MAGI1: variants seen among roughly 807,000 people sequenced by gnomAD.
MAGI1 encodes the protein membrane-associated guanylate kinase, WW and PDZ domain-containing protein 1.
In MAGI1, 58 loss-of-function variants were observed where a neutral mutation model predicts 139.9. The ratio of observed to expected loss-of-function variants is 0.41; its 90% CI spans 0.34 to 0.52. The LOEUF (loss-of-function observed/expected upper bound fraction) is 0.52, where lower values mean the gene tolerates loss of function less well. MAGI1 is among the 20% of genes least tolerant of loss of function. The pLI, the probability that MAGI1 is intolerant of heterozygous loss-of-function variation, is 0.12. For missense variants in MAGI1, 1,874 were observed against 1,901.6 expected, an observed-to-expected ratio of 0.99 and a Z score of 0.27; for synonymous variants, 812 against 737.9, an observed-to-expected ratio of 1.10 and a Z score of -1.63.
intron 1 of MAGI1, among the ~76,000 whole-genome samples, chr3:66,002,955 A>C (rs2066825142): frequency 6.6e-6 from 1 of 152,240 alleles, no homozygotes. Context: ...CAGGAGAATT[A>C]TTAATAGTAC....
In MAGI1 at chr3:65,704,268, G is replaced by A. The variant is rs189186335; in HGVS notation, c.314-82180C>T. Among the ~76,000 whole-genome samples the A allele has an allele frequency of 8.5e-5, 13 of 152,280 alleles. No homozygotes were observed. The East Asian group carries it at 2.5e-3, about 29-fold the overall frequency. On this transcript the variant is annotated intron_variant, in intron 1 of 22. Transcript: ENST00000402939. Reference sequence around the variant, plus strand: ...GAACAGAGCTCTGTCCTCCTTAGGAGACACCTCATTTGCAGTTTGTTTCCA... The same window carrying A: ...GAACAGAGCTCTGTCCTCCTTAGGAAACACCTCATTTGCAGTTTGTTTCCA...
intron 1 of MAGI1, among the ~76,000 whole-genome samples, chr3:65,990,255 A>G (rs2066100694): frequency 1.3e-5 from 2 of 152,180 alleles, no homozygotes; most frequent in Admixed American, 6.5e-5. Flanking sequence ...TCCAAGTACT[A>G]TAAATACCAG....
At chr3:65,858,593 C>T (rs937669886) in intron 1 of MAGI1, among the ~76,000 whole-genome samples, 1 of 152,182 alleles carries the variant, frequency 6.6e-6, no homozygotes, top group African/African-American at 2.4e-5. Context: ...ATCTGTTGTA[C>T]TCTTTATCTC....
At chr3:65,603,584 G>A (rs2082583823) in intron 2 of MAGI1, among the ~76,000 whole-genome samples, 1 of 152,204 alleles carries the variant, frequency 6.6e-6, no homozygotes, top group Non-Finnish European at 1.5e-5. Context: ...TCTAATTGTA[G>A]GTAAAATCCC....
At chr3:65,605,663 T>C (rs2082705299) in intron 2 of MAGI1, among the ~76,000 whole-genome samples, 1 of 152,092 alleles carries the variant, frequency 6.6e-6, no homozygotes, top group Admixed American at 6.6e-5. Flanking sequence ...TAAGAGTTAA[T>C]GAAGGAGAGA....
intron 3 of MAGI1, among the ~76,000 whole-genome samples, chr3:65,482,074 G>A (rs1401778490): frequency 6.6e-6 from 1 of 152,174 alleles, no homozygotes; most frequent in Non-Finnish European, 1.5e-5. Flanking sequence ...TTAATCTAAT[G>A]AGTGGCCCAT....
chr3:65,629,653 C>T (rs941979497), intron 1 of MAGI1, among the ~76,000 whole-genome samples: 2 of 151,762 alleles, frequency 1.3e-5, no homozygotes, highest in African/African-American at 2.4e-5. Context: ...AACAAATTAG[C>T]TTGTTTTATA....
intron 1 of MAGI1, among the ~76,000 whole-genome samples, chr3:65,840,968 G>C (rs2058783221): frequency 1.3e-5 from 2 of 152,100 alleles, no homozygotes; most frequent in Admixed American, 6.6e-5. Flanking sequence ...AAAAATAATA[G>C]AGCTATTCAA....
intron 1 of MAGI1, among the ~76,000 whole-genome samples, chr3:65,953,399 A>C (rs1025327232): frequency 3.9e-5 from 6 of 152,140 alleles, no homozygotes; most frequent in African/African-American, 1.4e-4. Context: ...CTACAGGAGA[A>C]TCTAGGCCCA....
chr3:65,665,696 C>T (rs1405223141), intron 1 of MAGI1, among the ~76,000 whole-genome samples: 2 of 152,122 alleles, frequency 1.3e-5, no homozygotes, highest in Non-Finnish European at 1.5e-5. Flanking sequence ...TACACACAGA[C>T]ACAAAAACAA....
intron 1 of MAGI1, among the ~76,000 whole-genome samples, chr3:65,664,562 A>G (rs576305647): frequency 6.6e-6 from 1 of 152,330 alleles, no homozygotes; most frequent in South Asian, 2.1e-4. Context: ...TTCTCATTCC[A>G]GTTTCTGTGG....
intron 2 of MAGI1, among the ~76,000 whole-genome samples, chr3:65,544,724 C>T (rs2079416236): frequency 6.6e-6 from 1 of 152,136 alleles, no homozygotes; most frequent in Admixed American, 6.5e-5. Flanking sequence ...GATCCATCAC[C>T]AAGCCACGAG....
intron 1 of MAGI1, among the ~76,000 whole-genome samples, chr3:65,754,602 T>C (rs1283273682): frequency 6.6e-6 from 1 of 152,204 alleles, no homozygotes; most frequent in Admixed American, 6.5e-5. Flanking sequence ...TTAAGGAAAA[T>C]AGTTTCGTGT....
chr3:65,402,537 A>C (rs1198845885), intron 12 of MAGI1, among the ~76,000 whole-genome samples: 6 of 152,194 alleles, frequency 3.9e-5, no homozygotes, highest in Non-Finnish European at 8.8e-5. Context: ...TTAGAATGCA[A>C]AATACAGATT....
chr3:65,524,013 CT>C (rs984120876), intron 2 of MAGI1, among the ~76,000 whole-genome samples: 2 of 150,874 alleles, frequency 1.3e-5, no homozygotes, highest in African/African-American at 4.9e-5. Flanking sequence ...CTCAATGAAA[CT>C]TTGAAAAGGG....
At chr3:65,700,665 T>G (rs1258670562) in intron 1 of MAGI1, among the ~76,000 whole-genome samples, 2 of 152,168 alleles carry the variant, frequency 1.3e-5, no homozygotes, top group Non-Finnish European at 2.9e-5. Flanking sequence ...TGTGATTTTT[T>G]TGGGTAGCAG....
intron 1 of MAGI1, among the ~76,000 whole-genome samples, chr3:65,811,502 T>C (rs2041230758): frequency 6.6e-6 from 1 of 152,192 alleles, no homozygotes; most frequent in Non-Finnish European, 1.5e-5. Flanking sequence ...AGCAGTCACC[T>C]GACTCATGCT....
chr3:65,732,189 CT>C (rs1324340838), intron 1 of MAGI1, among the ~76,000 whole-genome samples: 1 of 152,192 alleles, frequency 6.6e-6, no homozygotes, highest in Non-Finnish European at 1.5e-5. Flanking sequence ...AGAAAAGTTC[CT>C]GCCTCTTTTC....
intron 1 of MAGI1, among the ~76,000 whole-genome samples, chr3:65,668,995 G>C (rs12633297): frequency 6.6e-6 from 1 of 151,914 alleles, no homozygotes; most frequent in South Asian, 2.1e-4. Context: ...TGCAGTGCAG[G>C]GGCACAATCT....
Sources: gnomAD v4.1 joint callset for allele counts (sites outside exome capture counted in the v4.1 genomes callset) on GRCh38, gnomAD v4.1.1 for gene constraint, MANE v1.5 for transcripts, NCBI Gene and HGNC (gene_info 2026-07-23, HGNC 2026-07-21) for gene names.